DYNC2H1: variants seen among roughly 807,000 people sequenced by gnomAD.
The protein encoded by DYNC2H1 is dynein cytoplasmic 2 heavy chain 1, also known as cytoplasmic dynein 2 heavy chain 1.
DYNC2H1 carries 410 observed loss-of-function variants against 570.0 expected under a neutral mutation model. The observed-to-expected ratio is 0.72, with a 90% confidence interval of 0.66 to 0.78. The LOEUF is 0.78. Among genes scored for constraint, DYNC2H1 ranks in the 30% least tolerant of loss-of-function variants. DYNC2H1 has a pLI of 0.00. For missense variants in DYNC2H1, 4,865 were observed against 5,046.4 expected (o/e 0.96, Z 1.09); for synonymous variants, 1,688 against 1,677.6 (o/e 1.01, Z -0.15).
chr11:103,210,268 T>C (rs1171313213), intron 53 of DYNC2H1, among the ~76,000 whole-genome samples: 1 of 152,034 alleles, frequency 6.6e-6, no homozygotes, highest in Non-Finnish European at 1.5e-5. Context: ...GCAAGCAACC[T>C]AAACTTTTCA....
chr11:103,348,450 T>A (rs1939867253), intron 82 of DYNC2H1, among the ~76,000 whole-genome samples: 1 of 152,146 alleles, frequency 6.6e-6, no homozygotes, highest in Admixed American at 6.5e-5. Context: ...CACTCCCTCC[T>A]CTTTCTTCTG....
intron 85 of DYNC2H1, among the ~76,000 whole-genome samples, chr11:103,451,200 T>C (rs551593109): frequency 4.6e-5 from 7 of 151,716 alleles, no homozygotes; most frequent in Non-Finnish European, 1.0e-4. Context: ...TGCCATAATT[T>C]AATCAGCTAA....
Position 103,325,110 on chromosome 11 carries a change from T to C in DYNC2H1, c.12039+1120T>C, listed in dbSNP as rs185640397. ...TAAGTTCCTTATAGATTCTGGACAT[T>C]GGACCTTTGTTGAGTACTTAGTTTG... On this transcript the variant is annotated intron_variant, in intron 82 of 88. Coordinates refer to ENST00000375735, the MANE Select transcript of DYNC2H1 (RefSeq NM_001377.3). This position sits in a 1 kb window ranked among gnomAD's most constrained non-coding sequence, Gnocchi z 4.8. Among the ~76,000 whole-genome samples, 35 of 152,364 alleles carry C rather than the reference T, an allele frequency of 2.3e-4. No individual in the cohort carries two copies. The highest frequency in any genetic ancestry group is 7.7e-4 in the African/African-American group (32 of 41,592).
At position 103,115,277 on chromosome 11, in the gene DYNC2H1, A is replaced by G. The variant is rs368933119; in HGVS notation, c.603A>G (p.Leu201=). 3.8e-5 allele frequency: 61 copies of G among 1,585,006 alleles called. No homozygotes were observed. The highest frequency in any genetic ancestry group is 5.2e-5 in the Non-Finnish European group (61 of 1,163,534). The part of the protein sequence containing the change: ...SKERANYFKE[L]FETIAREFYN... ...AAAGAGCCAATTATTTTAAAGAATT[A>G]TTTGAAACAATTGCAAGAGTATGTG... The change falls in exon 4 of 89, where the codon TTA becomes TTG. Residue 201 remains leucine, a synonymous_variant. Coordinates refer to ENST00000375735, the MANE Select transcript of DYNC2H1 (RefSeq NM_001377.3).
At chr11:103,468,528 G>A in intron 87 of DYNC2H1, 61 bp from the exon 88 acceptor site, 1 of 1,173,710 alleles carries the variant, frequency 8.5e-7, no homozygotes. Flanking sequence ...GTAGAATAGA[G>A]TAACCTCTGA....
At chr11:103,236,681 A>C in intron 63 of DYNC2H1, 142 bp downstream of exon 63, 1 of 476,690 alleles carries the variant, frequency 2.1e-6, no homozygotes, top group Non-Finnish European at 3.7e-6. Flanking sequence ...AAAACCCATC[A>C]ATGATTCAGT....
chr11:103,392,647 T>C (rs1282298154), intron 83 of DYNC2H1, among the ~76,000 whole-genome samples: 1 of 152,176 alleles, frequency 6.6e-6, no homozygotes, highest in African/African-American at 2.4e-5. Flanking sequence ...TTATTGGCTT[T>C]CTAAGAATCA....
At chr11:103,313,616 C>A (rs1253270497) in intron 79 of DYNC2H1, among the ~76,000 whole-genome samples, 1 of 152,120 alleles carries the variant, frequency 6.6e-6, no homozygotes, top group Non-Finnish European at 1.5e-5. Context: ...TTGAGAGTTT[C>A]CTTGCAGTGA....
chr11:103,199,254 C>T lies in DYNC2H1; in HGVS notation c.7866C>T (p.Asn2622=), dbSNP rs1331923807. 4 of 1,596,852 alleles carry T rather than the reference C, an allele frequency of 2.5e-6. No homozygotes were observed. Among genetic ancestry groups the T allele is most frequent in the African/African-American group, 1.3e-5 (1 of 74,708 alleles). Residue 2622 remains asparagine, a synonymous_variant, in exon 49 of 89, where the codon AAC becomes AAT. Transcript: ENST00000375735. The surrounding 1 kb of genome is among the most constrained non-coding windows in gnomAD (Gnocchi z 4.6). The part of the protein sequence containing the change: ...KKGLIHYGRD[N]QNLDILLFHE... The stretch of plus-strand genomic sequence containing the variant: ...GTCTTATTCATTATGGACGAGATAA[C>T]CAGAATTTAGACATTTTACTTTTCC...
chr11:103,248,250 A>G (rs543527735), intron 65 of DYNC2H1, among the ~76,000 whole-genome samples: 1 of 152,080 alleles, frequency 6.6e-6, no homozygotes, highest in South Asian at 2.1e-4. Context: ...CCTGAGTGGT[A>G]TGCAATACAA....
At position 103,199,539 on chromosome 11, in the gene DYNC2H1, A is replaced by G. The variant is rs1862634263; in HGVS notation, c.8088+63A>G. On this transcript the variant is annotated intron_variant, in intron 49 of 88. Transcript: ENST00000375735. This position sits in a 1 kb window ranked among gnomAD's most constrained non-coding sequence, Gnocchi z 4.6. Reference sequence around the variant, plus strand: ...AATTACATTGGTTATTACTCTAAACATCTTTAAAGACCTAAAGGTTTAAAG... The same window carrying G: ...AATTACATTGGTTATTACTCTAAACGTCTTTAAAGACCTAAAGGTTTAAAG... The G allele has an allele frequency of 2.9e-6, 4 of 1,392,992 alleles. No individual in the cohort carries two copies. Among genetic ancestry groups the G allele is most frequent in the South Asian group, 2.0e-5 (1 of 50,596 alleles). The allele number at this position is 1,392,992 out of a possible 1,614,324, so 86.3% of individuals were successfully genotyped here. A position where few individuals can be genotyped will look rare whatever the true frequency, so the allele number is the denominator to read the frequency against.
chr11:103,142,162 G>A (rs1178307816), intron 17 of DYNC2H1, among the ~76,000 whole-genome samples: 5 of 152,212 alleles, frequency 3.3e-5, no homozygotes, highest in Admixed American at 1.3e-4. Context: ...TGCACTTCGC[G>A]AGTGAGGCAA....
intron 6 of DYNC2H1, among the ~76,000 whole-genome samples, chr11:103,119,619 C>T (rs970402348): frequency 1.3e-5 from 2 of 152,278 alleles, no homozygotes; most frequent in Admixed American, 6.5e-5. Context: ...TGATTACAGG[C>T]GTGAGCCACT....
At chr11:103,113,738 T>A in intron 2 of DYNC2H1, 31 bp downstream of exon 2, 1 of 1,462,062 alleles carries the variant, frequency 6.8e-7, no homozygotes, top group East Asian at 2.6e-5. Flanking sequence ...TTTTTTTAAC[T>A]GAGGTATTTG....
rs545761720 is a variant in DYNC2H1, at chr11:103,142,881, G to A, written c.2575-387G>A. 1.4e-3 allele frequency among the ~76,000 whole-genome samples: 216 copies of A among 152,272 alleles called. 1 individual carries two copies. Among genetic ancestry groups the A allele is most frequent in the Non-Finnish European group, 2.1e-3 (146 of 68,010 alleles). On this transcript the variant is annotated intron_variant, in intron 17 of 88. Transcript: ENST00000375735. ...AGACATATGACTGAAAATTTGACCA[G>A]TTTCTTAACTGCCACTGCAATACTT...
Position 103,244,176 on chromosome 11 carries a change from T to C in DYNC2H1, c.9918+385T>C, listed in dbSNP as rs1165015040. On this transcript the variant is annotated intron_variant, in intron 64 of 88. Coordinates refer to ENST00000375735, the MANE Select transcript of DYNC2H1 (RefSeq NM_001377.3). This position sits in a 1 kb window ranked among gnomAD's most constrained non-coding sequence, Gnocchi z 4.3. ...AAAAGCCTTCTAGCCTTTTAGCATA[T>C]TTACAGTTTCTCTGAATGCCTCTCA... 6.6e-6 allele frequency among the ~76,000 whole-genome samples: 1 copy of C among 152,058 alleles called. No individual in the cohort carries two copies. The highest frequency in any genetic ancestry group is 1.9e-4 in the East Asian group (1 of 5,192).
At position 103,165,953 on chromosome 11, in the gene DYNC2H1, A is replaced by G; in HGVS notation, c.4667A>G (p.Lys1556Arg). 6.6e-7 allele frequency: 1 copy of G among 1,515,096 alleles called. No individual in the cohort carries two copies. Among genetic ancestry groups the G allele is most frequent in the Non-Finnish European group, 8.8e-7 (1 of 1,131,170 alleles). 93.9% of individuals were successfully genotyped at this position (1,515,096 alleles called of 1,614,324 possible). A position where few individuals can be genotyped will look rare whatever the true frequency, so the allele number is the denominator to read the frequency against. ...ACTGAAGATGTAGAAAATGCTATTA[A>G]AGATCATAGTCTTCATCAGATTGAA... ...KFTEDVENAI[K>R]DHSLHQIETQ... Residue 1556 changes from lysine (K) to arginine (R), a missense_variant, in exon 31 of 89, where the codon AAA (lysine) becomes AGA (arginine). Around this residue, in one of 5 missense-constraint regions of DYNC2H1, gnomAD observed 1,936 missense variants for 1,962.1 expected, o/e 0.99. Coordinates refer to ENST00000375735, the MANE Select transcript of DYNC2H1 (RefSeq NM_001377.3).
chr11:103,310,633 G>A (rs966850152), intron 78 of DYNC2H1, among the ~76,000 whole-genome samples: 7 of 138,004 alleles, frequency 5.1e-5, no homozygotes, highest in Admixed American at 1.5e-4. Context: ...TTAAAAAAGT[G>A]TAAATTTGAT....
Position 103,204,793 on chromosome 11 carries a change from T to C in DYNC2H1, c.8312-29T>C, listed in dbSNP as rs748367690. 8.4e-6 allele frequency: 13 copies of C among 1,547,222 alleles called. No homozygotes were observed. In the South Asian group the frequency reaches 1.6e-4, roughly 19 times the overall value. ...CCCAGACCACGTATAGATTGCCTGATTGTATTATTATTCTTATATATTTCT... is the reference window on the plus strand; with the variant it reads ...CCCAGACCACGTATAGATTGCCTGACTGTATTATTATTCTTATATATTTCT... On this transcript the variant is annotated intron_variant, in intron 51 of 88. Coordinates refer to ENST00000375735, the MANE Select transcript of DYNC2H1 (RefSeq NM_001377.3). The surrounding 1 kb of genome is among the most constrained non-coding windows in gnomAD (Gnocchi z 4.1).
Sources: allele counts gnomAD v4.1 joint callset (sites outside exome capture counted in the v4.1 genomes callset), GRCh38; gene constraint gnomAD v4.1.1; regional missense constraint gnomAD v4.1.1; non-coding constraint Gnocchi (gnomAD v3.1); transcripts MANE v1.5; gene names NCBI Gene and HGNC (gene_info 2026-07-23, HGNC 2026-07-21).